Variants in BLTP1 observed in about 807,000 individuals in gnomAD.
BLTP1 encodes bridge-like lipid transfer protein family member 1.
At chr4:122,247,186 G>A in the BLTP1 span, 6 of 1,612,790 alleles carry the variant, frequency 3.7e-6, no homozygotes, top group African/African-American at 4.0e-5. Flanking sequence ...TTCAAACAAT[G>A]CAGAACCTGG....
chr4:122,359,694 A>C, the BLTP1 span: 1 of 1,611,178 alleles, frequency 6.2e-7, no homozygotes, highest in Admixed American at 1.7e-5. Context: ...TTTTATGTGC[A>C]ATACATGGCA....
chr4:122,249,846 G>C, the BLTP1 span: 1 of 974,276 alleles, frequency 1.0e-6, no homozygotes, highest in South Asian at 4.7e-5. Flanking sequence ...CATACCAATT[G>C]CTTAAGTGGA....
chr4:122,325,477 C>G, the BLTP1 span: 4 of 984,654 alleles, frequency 4.1e-6, no homozygotes. Context: ...GTAGTGGGCA[C>G]TGCCCTTATA....
the BLTP1 span, among the ~76,000 whole-genome samples, chr4:122,317,068 A>G: frequency 6.6e-6 from 1 of 152,306 alleles, no homozygotes; most frequent in South Asian, 2.1e-4. Flanking sequence ...ATGGTGGCTG[A>G]TGCCTGTAAT....
chr4:122,171,881 TATAATGAA>T, the BLTP1 span: 1 of 985,210 alleles, frequency 1.0e-6, no homozygotes, highest in Middle Eastern at 5.2e-4. Flanking sequence ...GGGGGCGTGA[TATAATGAA>T]AAGACTACGA....
chr4:122,238,102 T>A, the BLTP1 span: 1 of 1,613,952 alleles, frequency 6.2e-7, no homozygotes, highest in South Asian at 1.1e-5. Context: ...GTAATGTGAA[T>A]GGCATGAAGA....
chr4:122,307,367 G>A, the BLTP1 span: 41 of 620,258 alleles, frequency 6.6e-5, no homozygotes, highest in Non-Finnish European at 7.2e-5. Flanking sequence ...TTTGGATTTC[G>A]GATTAGGGAT....
At chr4:122,280,662 TAAAAAAAA>T in the BLTP1 span, among the ~76,000 whole-genome samples, 1 of 83,036 alleles carries the variant, frequency 1.2e-5, no homozygotes, top group African/African-American at 4.1e-5. Context: ...AAATTCCATC[TAAAAAAAA>T]AAAAAAAAAA....
the BLTP1 span, chr4:122,205,969 C>T: frequency 1.2e-4 from 117 of 984,700 alleles, no homozygotes; most frequent in Non-Finnish European, 1.4e-4. Context: ...TAAAGTTGTA[C>T]AAACTGCTAT....
chr4:122,234,241 A>G, the BLTP1 span: 1 of 549,804 alleles, frequency 1.8e-6, no homozygotes, highest in Non-Finnish European at 2.3e-6. Context: ...CCTCGATATT[A>G]TTTTTCTCTA....
At chr4:122,152,685 T>C in the BLTP1 span, 1,376 of 959,406 alleles carry the variant, frequency 1.4e-3, 1 homozygote, top group Non-Finnish European at 1.6e-3. Flanking sequence ...TTTGGCTTAG[T>C]AGTGGCTGCC....
the BLTP1 span, chr4:122,221,948 C>T: frequency 1.0e-6 from 1 of 967,086 alleles, no homozygotes; most frequent in Non-Finnish European, 1.2e-6. Context: ...TTTTATTGAG[C>T]TGATTATGAA....
the BLTP1 span, chr4:122,272,280 C>T: frequency 1.2e-6 from 2 of 1,613,204 alleles, no homozygotes; most frequent in Non-Finnish European, 1.7e-6. Context: ...CAGCATGTTA[C>T]TCTAATAGTG....
the BLTP1 span, chr4:122,214,435 G>T: frequency 1.0e-6 from 1 of 969,402 alleles, no homozygotes; most frequent in Non-Finnish European, 1.2e-6. Flanking sequence ...TTATTTTAAA[G>T]ATAGTTTAAG....
chr4:122,164,968 G>A, the BLTP1 span, among the ~76,000 whole-genome samples: 1 of 152,126 alleles, frequency 6.6e-6, no homozygotes, highest in Non-Finnish European at 1.5e-5. Context: ...TTTATAGCAT[G>A]AATTTGAATA....
the BLTP1 span, among the ~76,000 whole-genome samples, chr4:122,196,100 T>C: frequency 1.3e-5 from 2 of 152,238 alleles, no homozygotes; most frequent in African/African-American, 4.8e-5. Flanking sequence ...TATTGCTCTT[T>C]AGCCTTTTAA....
chr4:122,328,737 G>A, the BLTP1 span: 963 of 983,728 alleles, frequency 9.8e-4, 1 homozygote, highest in Middle Eastern at 3.7e-3. Flanking sequence ...AGTAGTAAAG[G>A]GAAATGGTTA....
At chr4:122,174,220 G>T in the BLTP1 span, 1 of 985,248 alleles carries the variant, frequency 1.0e-6, no homozygotes, top group African/African-American at 1.7e-5. Flanking sequence ...TGAGGCAATG[G>T]CTGGTTCCTG....
chr4:122,208,392 A>G, the BLTP1 span: 1 of 985,112 alleles, frequency 1.0e-6, no homozygotes, highest in Non-Finnish European at 1.2e-6. Context: ...CTAGTCATCA[A>G]GATGAACAAA....
Sources: gnomAD v4.1 joint callset for allele counts (sites outside exome capture counted in the v4.1 genomes callset) on GRCh38, gnomAD v4.1.1 for gene constraint, MANE v1.5 for transcripts, NCBI Gene and HGNC (gene_info 2026-07-23, HGNC 2026-07-21) for gene names.